Variants in FRMPD3 observed in about 807,000 individuals in gnomAD.
FRMPD3 encodes FERM and PDZ domain-containing protein 3.
FRMPD3 carries 42 observed loss-of-function variants against 97.9 expected under a neutral mutation model. The observed-to-expected ratio is 0.43, with a 90% CI of 0.34 to 0.55. FRMPD3 has a LOEUF of 0.55. Among genes scored for constraint, FRMPD3 ranks in the 20% least tolerant of loss-of-function variants. FRMPD3 has a pLI of 0.03. For synonymous variants in FRMPD3, 577 were observed against 581.1 expected, an observed-to-expected ratio of 0.99 and a Z score of 0.10; for missense variants, 1,303 against 1,457.7, an observed-to-expected ratio of 0.89 and a Z score of 1.73.
At chrX:107,508,288 A>G (rs1922081827) in intron 1 of FRMPD3, among the ~76,000 whole-genome samples, 2 of 112,299 alleles carry the variant, frequency 1.8e-5, no homozygotes, top group African/African-American at 3.2e-5. Context: ...AGGTGCAAAG[A>G]GTTTTGAATC....
intron 13 of FRMPD3, among the ~76,000 whole-genome samples, chrX:107,583,657 T>A (rs1602848108): frequency 9.0e-6 from 1 of 111,636 alleles, no homozygotes; most frequent in East Asian, 2.8e-4. Context: ...CCTTGAGGAA[T>A]CATCGTACTG....
At chrX:107,583,231 C>T (rs1423506610) in intron 13 of FRMPD3, among the ~76,000 whole-genome samples, 1 of 109,773 alleles carries the variant, frequency 9.1e-6, no homozygotes, top group Non-Finnish European at 1.9e-5. Context: ...TCTAAGTTCC[C>T]TCCCCTCGCT....
chrX:107,464,360 G>T (rs187854170), intron 1 of FRMPD3, among the ~76,000 whole-genome samples: 2,673 of 106,206 alleles, frequency 0.025, 79 homozygotes, highest in African/African-American at 0.087. Flanking sequence ...TATTTATTTT[G>T]TTTTTTTTTG....
chrX:107,599,732 C>A (rs1443113487), intron 14 of FRMPD3, among the ~76,000 whole-genome samples: 1 of 111,870 alleles, frequency 8.9e-6, no homozygotes, highest in Non-Finnish European at 1.9e-5. Context: ...CCTCTCGCCA[C>A]CTCTTTTGTT....
rs1486595543 is a variant in FRMPD3 at position 107,567,609 on chromosome X, C to T, written c.1296+2543C>T. On this transcript the variant is annotated intron_variant, in intron 12 of 14. Transcript: ENST00000683843. The stretch of plus-strand genomic sequence containing the variant: ...AAATAAGCAAGCCATATGTGCAGGT[C>T]GATAAGCATAGTTGCTTGGCTGGAG... Among the ~76,000 whole-genome samples, 4 of 111,132 alleles carry T rather than the reference C, an allele frequency of 3.6e-5. No individual in the cohort carries two copies. In the East Asian group the frequency reaches 8.5e-4, roughly 24 times the overall value.
At chrX:107,466,111 G>A (rs1931558543) in intron 1 of FRMPD3, among the ~76,000 whole-genome samples, 1 of 112,439 alleles carries the variant, frequency 8.9e-6, no homozygotes, top group African/African-American at 3.2e-5. Context: ...TAACAGCTGT[G>A]GAGAACAAAG....
chrX:107,593,372 T>C (rs945650171), intron 13 of FRMPD3, among the ~76,000 whole-genome samples: 1 of 112,221 alleles, frequency 8.9e-6, no homozygotes, highest in African/African-American at 3.2e-5. Flanking sequence ...ACTGTACCTT[T>C]TGCTGTGCAA....
intron 1 of FRMPD3, among the ~76,000 whole-genome samples, chrX:107,494,854 G>A (rs994568017): frequency 2.7e-5 from 3 of 111,821 alleles, no homozygotes; most frequent in African/African-American, 6.5e-5. Flanking sequence ...GGGACTGGCT[G>A]TGATGGCAGA....
At chrX:107,560,700 A>T in intron 9 of FRMPD3, 27 bp from the exon 10 acceptor site, 1 of 1,154,247 alleles carries the variant, frequency 8.7e-7, no homozygotes, top group Non-Finnish European at 1.2e-6. Context: ...CTCTCTCACT[A>T]ATCTCTTACT....
At chrX:107,562,009 C>T (rs960930137) in intron 10 of FRMPD3, among the ~76,000 whole-genome samples, 5 of 112,165 alleles carry the variant, frequency 4.5e-5, no homozygotes, top group Non-Finnish European at 9.4e-5. Context: ...TCTGGAAGCA[C>T]AGAGGAAGAA....
chrX:107,484,322 G>A (rs775932432), intron 1 of FRMPD3, among the ~76,000 whole-genome samples: 23 of 112,712 alleles, frequency 2.0e-4, no homozygotes, highest in African/African-American at 7.1e-4. Context: ...GGAGGTAACA[G>A]GGAGGGAGCT....
In FRMPD3 at chrX:107,597,519, A is replaced by G; in HGVS notation, c.1640A>G (p.Asn547Ser). Residue 547 changes from asparagine to serine, a missense_variant, in exon 14 of 15, where the codon AAC becomes AGC. Physicochemically the swap from Asn to Ser is conservative, Grantham distance 46. This residue lies in a region of FRMPD3 where 535 missense variants were observed against 618.6 expected (regional missense o/e 0.86). Transcript: ENST00000683843. ...RKEQESRTDV[N>S]ENLIFFEETR... ...GAGCAGGAAAGCCGGACAGATGTCA[A>G]CGAGAACCTAATCTTCTTTGAGGAG... 1 of 1,210,848 alleles carries G rather than the reference A, an allele frequency of 8.3e-7. No homozygotes were observed. Among genetic ancestry groups the G allele is most frequent in the Non-Finnish European group, 1.1e-6 (1 of 895,434 alleles).
In FRMPD3 at chrX:107,465,955, A is replaced by G. The variant is rs779218663; in HGVS notation, c.-8+15950A>G. On this transcript the variant is annotated intron_variant, in intron 1 of 14. Coordinates refer to ENST00000683843, the MANE Select transcript of FRMPD3 (RefSeq NM_001388459.1). ...TACCTACCTCTCTTAGAGCTTTGTAATGCACATTAGCATATGAAAGGCTCT... is the reference window on the plus strand; with the variant it reads ...TACCTACCTCTCTTAGAGCTTTGTAGTGCACATTAGCATATGAAAGGCTCT... Among the ~76,000 whole-genome samples, 60 of 112,392 alleles carry G rather than the reference A, an allele frequency of 5.3e-4. 2 individuals carry two copies. Among genetic ancestry groups the G allele is most frequent in the Non-Finnish European group, 9.9e-4 (53 of 53,325 alleles).
Position 107,601,683 on chromosome X carries a change from G to A in FRMPD3, c.3644G>A (p.Arg1215Gln), listed in dbSNP as rs369738439. The A allele has an allele frequency of 3.6e-5, 43 of 1,209,672 alleles. No individual in the cohort carries two copies. The highest frequency in any genetic ancestry group is 1.0e-4 in the African/African-American group (6 of 57,355). Residue 1215 changes from arginine to glutamine, a missense_variant, in exon 15 of 15, where the codon CGG (arginine) becomes CAG (glutamine). Physicochemically the swap from Arg to Gln is conservative, Grantham distance 43. Transcript: ENST00000683843. ...CCCAAGTCATCCCGAGGTCCTTTCC[G>A]GCTACGCAATTTATTCTCTGCCACC... is the stretch of plus-strand genomic sequence containing the variant. ...AKPKSSRGPF[R>Q]LRNLFSATFP...
chrX:107,529,203 C>A (rs1922827112), intron 2 of FRMPD3, among the ~76,000 whole-genome samples: 1 of 111,926 alleles, frequency 8.9e-6, no homozygotes, highest in South Asian at 3.7e-4. Flanking sequence ...AGCAGCATAG[C>A]CTTGTGGTAT....
At chrX:107,595,516 A>G (rs1482499628) in intron 13 of FRMPD3, among the ~76,000 whole-genome samples, 2 of 111,543 alleles carry the variant, frequency 1.8e-5, no homozygotes, top group East Asian at 2.8e-4. Flanking sequence ...CTTAAGAATA[A>G]TGTATATTCT....
At chrX:107,575,640 G>A (rs777594460) in intron 12 of FRMPD3, among the ~76,000 whole-genome samples, 2 of 111,430 alleles carry the variant, frequency 1.8e-5, no homozygotes, top group African/African-American at 6.5e-5. Flanking sequence ...TAGTAGAGAC[G>A]GGGTTTCACC....
In FRMPD3 at chrX:107,449,876, G is replaced by A. The variant is rs1043053494; in HGVS notation, c.-137G>A. 1.8e-5 allele frequency among the ~76,000 whole-genome samples: 2 copies of A among 108,850 alleles called. No homozygotes were observed. The highest frequency in any genetic ancestry group is 3.9e-5 in the Non-Finnish European group (2 of 51,827). The allele number at this position is 108,850 out of a possible 115,157, so 94.5% of individuals were successfully genotyped here. ...GCCCCAAGCCCATGCCGGGCTCGGG[G>A]GCACGGGTGCCCTAGTCCCGCTGCC... On this transcript the variant is annotated 5_prime_UTR_variant, in exon 1 of 15. Coordinates refer to ENST00000683843, the MANE Select transcript of FRMPD3 (RefSeq NM_001388459.1).
intron 4 of FRMPD3, 62 bp from the exon 5 acceptor site, chrX:107,545,675 G>C: frequency 1.1e-6 from 1 of 929,763 alleles, no homozygotes. Context: ...TAACTCTGAC[G>C]TGACAAAGGT....
Sources: gnomAD v4.1 joint callset for allele counts (sites outside exome capture counted in the v4.1 genomes callset) on GRCh38, gnomAD v4.1.1 for gene constraint, gnomAD v4.1.1 regional missense constraint, MANE v1.5 for transcripts, NCBI Gene and HGNC (gene_info 2026-07-23, HGNC 2026-07-21) for gene names.